The following KCTD8 variants were observed in gnomAD, a reference collection of about 807,000 sequenced individuals.
KCTD8 encodes potassium channel tetramerization domain containing 8.
In KCTD8, 27 loss-of-function variants were observed where a neutral mutation model predicts 31.5. The observed-to-expected ratio is 0.86, with a 90% confidence interval of 0.63 to 1.18. The LOEUF (loss-of-function observed/expected upper bound fraction) is 1.18. Among genes scored for constraint, KCTD8 ranks in the 50% most tolerant of loss-of-function variants. The pLI is 0.00. For missense variants in KCTD8, 658 were observed against 647.7 expected (o/e 1.02, Z -0.17); for synonymous variants, 290 against 280.0 (o/e 1.04, Z -0.36).
chr4:44,363,923 C>T (rs1198946663), intron 1 of KCTD8, among the ~76,000 whole-genome samples: 1 of 151,958 alleles, frequency 6.6e-6, no homozygotes, highest in Non-Finnish European at 1.5e-5. Flanking sequence ...GATCTTATAC[C>T]TTTAACCAAA....
intron 1 of KCTD8, among the ~76,000 whole-genome samples, chr4:44,231,056 C>A (rs1163815877): frequency 1.3e-5 from 2 of 152,128 alleles, no homozygotes; most frequent in Non-Finnish European, 2.9e-5. Context: ...CACTGGGCAG[C>A]AGAGATGCTA....
chr4:44,186,394 C>T (rs1713588742), intron 1 of KCTD8, among the ~76,000 whole-genome samples: 1 of 152,234 alleles, frequency 6.6e-6, no homozygotes, highest in Admixed American at 6.5e-5. Context: ...AAAACTTGCA[C>T]TCATGCTCCA....
At chr4:44,340,344 G>A (rs1718863541) in intron 1 of KCTD8, among the ~76,000 whole-genome samples, 1 of 151,750 alleles carries the variant, frequency 6.6e-6, no homozygotes, top group South Asian at 2.1e-4. Context: ...TGTTGCCCAG[G>A]CTGGAATGCA....
intron 1 of KCTD8, among the ~76,000 whole-genome samples, chr4:44,213,746 A>T (rs1714562245): frequency 1.3e-5 from 2 of 152,290 alleles, no homozygotes; most frequent in South Asian, 4.1e-4. Flanking sequence ...CAGACTGTTT[A>T]TAAATCAATA....
chr4:44,238,097 C>T (rs997253665), intron 1 of KCTD8, among the ~76,000 whole-genome samples: 3 of 152,114 alleles, frequency 2.0e-5, no homozygotes, highest in African/African-American at 4.8e-5. Context: ...CATAATCCCC[C>T]TTACTCTCTA....
At chr4:44,317,017 AC>A (rs1718146515) in intron 1 of KCTD8, among the ~76,000 whole-genome samples, 1 of 150,180 alleles carries the variant, frequency 6.7e-6, no homozygotes, top group Admixed American at 6.6e-5. Context: ...TAAAAAAAAA[AC>A]AAACAGGAAA....
intron 1 of KCTD8, among the ~76,000 whole-genome samples, chr4:44,419,832 C>G (rs1252345363): frequency 6.6e-6 from 1 of 151,432 alleles, no homozygotes; most frequent in Non-Finnish European, 1.5e-5. Flanking sequence ...CACATGTACC[C>G]TAGAACTTAA....
intron 1 of KCTD8, among the ~76,000 whole-genome samples, chr4:44,221,399 G>T (rs778096247): frequency 6.6e-5 from 10 of 151,782 alleles, no homozygotes; most frequent in Non-Finnish European, 1.5e-4. Context: ...CATACAAGTT[G>T]TATTAGTCAG....
intron 1 of KCTD8, among the ~76,000 whole-genome samples, chr4:44,358,080 T>C (rs1407885298): frequency 1.3e-5 from 2 of 149,404 alleles, no homozygotes; most frequent in African/African-American, 4.9e-5. Context: ...AGGTGCACGA[T>C]GTTTCCTTCC....
At chr4:44,400,775 A>G (rs1720630098) in intron 1 of KCTD8, among the ~76,000 whole-genome samples, 1 of 151,568 alleles carries the variant, frequency 6.6e-6, no homozygotes, top group Admixed American at 6.6e-5. Context: ...CTGCAAACTC[A>G]ATCAATCTCT....
At chr4:44,294,351 T>C (rs1717369457) in intron 1 of KCTD8, among the ~76,000 whole-genome samples, 2 of 152,170 alleles carry the variant, frequency 1.3e-5, no homozygotes. Context: ...ACTCTTAAGA[T>C]AGGTACATAA....
At chr4:44,333,033 A>G (rs910842835) in intron 1 of KCTD8, among the ~76,000 whole-genome samples, 2 of 152,070 alleles carry the variant, frequency 1.3e-5, no homozygotes, top group Non-Finnish European at 2.9e-5. Context: ...GTTCACAACT[A>G]TTTGTATCAA....
chr4:44,182,513 T>A (rs1449628417), intron 1 of KCTD8, among the ~76,000 whole-genome samples: 2 of 152,174 alleles, frequency 1.3e-5, no homozygotes, highest in Non-Finnish European at 2.9e-5. Flanking sequence ...CTCTGAAACA[T>A]GTGCTGTGTC....
chr4:44,309,231 G>T (rs1270728778), intron 1 of KCTD8, among the ~76,000 whole-genome samples: 2 of 151,702 alleles, frequency 1.3e-5, no homozygotes, highest in East Asian at 1.9e-4. Context: ...TAGAGATGGG[G>T]TTTTTGCCAT....
rs1348239483 is a variant in KCTD8 at position 44,272,302 on chromosome 4, T to A, written c.962-97052A>T. On this transcript the variant is annotated intron_variant, in intron 1 of 1. Transcript: ENST00000360029. ...AACATTTTTTTTCACAGAACCTTTT[T>A]CAGAAAGATAAATGATGAACAAATA... Among the ~76,000 whole-genome samples the A allele has an allele frequency of 2.0e-5, 3 of 151,738 alleles. No individual in the cohort carries two copies. The South Asian group carries it at 6.2e-4, about 31-fold the overall frequency.
intron 1 of KCTD8, among the ~76,000 whole-genome samples, chr4:44,260,248 C>A (rs1232825055): frequency 6.6e-6 from 1 of 151,176 alleles, no homozygotes; most frequent in Admixed American, 6.6e-5. Context: ...AGGAAATATT[C>A]TAGGATAGGA....
At chr4:44,311,083 CAA>C (rs1717937445) in intron 1 of KCTD8, among the ~76,000 whole-genome samples, 1 of 151,824 alleles carries the variant, frequency 6.6e-6, no homozygotes, top group Admixed American at 6.6e-5. Context: ...ATCCTTTCTT[CAA>C]AAGAGTTAGG....
intron 1 of KCTD8, among the ~76,000 whole-genome samples, chr4:44,231,779 T>C (rs1481170397): frequency 1.3e-5 from 2 of 151,900 alleles, no homozygotes; most frequent in African/African-American, 4.8e-5. Flanking sequence ...AAAATCTCAC[T>C]GTGTCTCTCT....
chr4:44,323,254 G>A (rs1672407299), intron 1 of KCTD8, among the ~76,000 whole-genome samples: 1 of 151,918 alleles, frequency 6.6e-6, no homozygotes, highest in South Asian at 2.1e-4. Flanking sequence ...AGCACTTTGG[G>A]AGGTCAAGAC....
Sources: allele counts gnomAD v4.1 joint callset (sites outside exome capture counted in the v4.1 genomes callset), GRCh38; gene constraint gnomAD v4.1.1; transcripts MANE v1.5; gene names NCBI Gene and HGNC (gene_info 2026-07-23, HGNC 2026-07-21).